PCSK6: variants seen among roughly 807,000 people sequenced by gnomAD.
PCSK6 encodes paired basic amino acid cleaving enzyme 4.
A neutral mutation model predicts 123.3 loss-of-function variants in PCSK6; 85 were observed. That is an observed-to-expected ratio of 0.69 (90% CI 0.58 to 0.83). The LOEUF is 0.83. PCSK6 is among the 40% of genes least tolerant of loss of function. The pLI, the probability that PCSK6 is intolerant of heterozygous loss-of-function variation, is 0.00. For synonymous variants in PCSK6, 508 were observed against 516.0 expected, an observed-to-expected ratio of 0.98 and a Z score of 0.21; for missense variants, 1,191 against 1,282.3, an observed-to-expected ratio of 0.93 and a Z score of 1.09.
At chr15:101,339,649 G>C (rs2141384670) in intron 13 of PCSK6, among the ~76,000 whole-genome samples, 2 of 152,172 alleles carry the variant, frequency 1.3e-5, no homozygotes, top group Non-Finnish European at 2.9e-5. Flanking sequence ...GCTCACGCTT[G>C]TGATCGCAGA....
chr15:101,428,114 A>T (rs1293322979), intron 5 of PCSK6, 134 bp from the exon 6 acceptor site: 1 of 711,010 alleles, frequency 1.4e-6, no homozygotes, highest in East Asian at 2.8e-5. Flanking sequence ...CATTTCCTGC[A>T]TCCCCTCTCA....
At chr15:101,405,088 C>G (rs1320374489) in intron 6 of PCSK6, among the ~76,000 whole-genome samples, 1 of 152,186 alleles carries the variant, frequency 6.6e-6, no homozygotes, top group Non-Finnish European at 1.5e-5. Flanking sequence ...CCAACACTGA[C>G]AAGTTGCCAA....
intron 6 of PCSK6, among the ~76,000 whole-genome samples, chr15:101,404,384 A>G (rs1373041422): frequency 6.6e-6 from 1 of 152,088 alleles, no homozygotes; most frequent in Non-Finnish European, 1.5e-5. Context: ...GGTGGACATG[A>G]AGTGGGGTCT....
intron 1 of PCSK6, among the ~76,000 whole-genome samples, chr15:101,451,399 T>G (rs946146339): frequency 6.6e-6 from 1 of 152,114 alleles, no homozygotes; most frequent in Non-Finnish European, 1.5e-5. Flanking sequence ...GTGGGTCGGC[T>G]AAGCGCATAC....
chr15:101,388,233 A>T (rs2042126955), intron 9 of PCSK6, among the ~76,000 whole-genome samples: 1 of 152,268 alleles, frequency 6.6e-6, no homozygotes, highest in Non-Finnish European at 1.5e-5. Context: ...CCTGGAAATC[A>T]AAAATATCAA....
chr15:101,482,952 G>A (rs768358238), intron 1 of PCSK6, among the ~76,000 whole-genome samples: 9 of 152,164 alleles, frequency 5.9e-5, no homozygotes, highest in East Asian at 3.9e-4. Flanking sequence ...AGGGCAGTCC[G>A]GTCAATTAAA....
rs146290526 is a variant in PCSK6 at position 101,327,572 on chromosome 15, G to A, written c.2078-1093C>T. On this transcript the variant is annotated intron_variant, in intron 15 of 21. Coordinates refer to ENST00000611716, the MANE Select transcript of PCSK6 (RefSeq NM_002570.5). ...GAAGAAAAACCTCCTCCTCCGAGGT[G>A]TGAGTTATGAGAGGGGATGGGGAGT... is the stretch of plus-strand genomic sequence containing the variant. 5.5e-4 allele frequency among the ~76,000 whole-genome samples: 84 copies of A among 152,348 alleles called. 1 individual carries two copies. The East Asian group carries it at 0.015, about 27-fold the overall frequency.
At chr15:101,475,156 A>G (rs904208836) in intron 1 of PCSK6, among the ~76,000 whole-genome samples, 4 of 152,156 alleles carry the variant, frequency 2.6e-5, no homozygotes, top group Non-Finnish European at 4.4e-5. Flanking sequence ...TATTCCGTTC[A>G]CTACTCCTCT....
At chr15:101,393,108 T>C in intron 8 of PCSK6, 104 bp downstream of exon 8, 6 of 964,766 alleles carry the variant, frequency 6.2e-6, no homozygotes, top group South Asian at 2.8e-5. Context: ...TCCGGAACAA[T>C]CTGGCCTCAA....
chr15:101,412,577 G>C (rs1054116878), intron 6 of PCSK6, among the ~76,000 whole-genome samples: 5 of 151,210 alleles, frequency 3.3e-5, no homozygotes, highest in Non-Finnish European at 5.9e-5. Context: ...AGAAATACAC[G>C]ATATAAAGAG....
chr15:101,384,715 A>G (rs1040450569), intron 9 of PCSK6, among the ~76,000 whole-genome samples: 7 of 152,230 alleles, frequency 4.6e-5, no homozygotes, highest in African/African-American at 1.7e-4. Context: ...GCCATATGGG[A>G]AATTCTGAAA....
At chr15:101,364,554 T>A (rs1182480957) in intron 13 of PCSK6, among the ~76,000 whole-genome samples, 1 of 152,222 alleles carries the variant, frequency 6.6e-6, no homozygotes, top group Non-Finnish European at 1.5e-5. Context: ...CCATTCCATT[T>A]GCAATAGCAT....
rs78081503 is a variant in PCSK6 at position 101,451,330 on chromosome 15, C to T, written c.298-7670G>A. ...CCCGCCCACTCAGCTCTCCAATGGA[C>T]GTGACTGCAGACACAGGTGCAGTTC... On this transcript the variant is annotated intron_variant, in intron 1 of 21. Transcript: ENST00000611716. Among the ~76,000 whole-genome samples, 1,011 of 151,888 alleles carry T rather than the reference C, an allele frequency of 6.7e-3. 13 individuals carry two copies. Among genetic ancestry groups the T allele is most frequent in the African/African-American group, 0.023 (941 of 41,402 alleles).
At chr15:101,306,119 C>T (rs540987821) in intron 21 of PCSK6, among the ~76,000 whole-genome samples, 6 of 108,440 alleles carry the variant, frequency 5.5e-5, no homozygotes, top group South Asian at 3.3e-4. Context: ...GTGGAGGGGG[C>T]GGACAGGGAG....
intron 6 of PCSK6, among the ~76,000 whole-genome samples, chr15:101,408,014 C>T (rs1382316939): frequency 2.6e-5 from 4 of 152,200 alleles, no homozygotes; most frequent in East Asian, 3.8e-4. Context: ...ACGGTCTCCC[C>T]GCTAGGGAAT....
chr15:101,385,047 C>T (rs552074656), intron 9 of PCSK6, among the ~76,000 whole-genome samples: 3 of 152,212 alleles, frequency 2.0e-5, no homozygotes, highest in Admixed American at 6.5e-5. Context: ...GACAGGGTCT[C>T]GCCCTGTTGC....
At position 101,404,372 on chromosome 15, in the gene PCSK6, C is replaced by T. The variant is rs182751278; in HGVS notation, c.824-5796G>A. On this transcript the variant is annotated intron_variant, in intron 6 of 21. Transcript: ENST00000611716. ...TCCTTTCTGGGTGGAGAGGAGGGGT[C>T]GGGTGGACATGAAGTGGGGTCTTTC... Among the ~76,000 whole-genome samples, 397 of 152,220 alleles carry T rather than the reference C, an allele frequency of 2.6e-3. 2 individuals carry two copies. Among genetic ancestry groups the T allele is most frequent in the African/African-American group, 8.5e-3 (351 of 41,536 alleles).
At chr15:101,477,267 C>G (rs1033857496) in intron 1 of PCSK6, among the ~76,000 whole-genome samples, 4 of 151,384 alleles carry the variant, frequency 2.6e-5, no homozygotes, top group Admixed American at 1.3e-4. Flanking sequence ...GTCTGTGTGT[C>G]TGTGTGTGTG....
At position 101,336,027 on chromosome 15, in the gene PCSK6, G is replaced by C. The variant is rs558797688; in HGVS notation, c.1859-3996C>G. The stretch of plus-strand genomic sequence containing the variant: ...ATACGACATTAGAATCTTATGCAAT[G>C]ACTATTGAATATGGGGTCTGCTACT... On this transcript the variant is annotated intron_variant, in intron 13 of 21. Transcript: ENST00000611716. 7.2e-5 allele frequency among the ~76,000 whole-genome samples: 11 copies of C among 152,336 alleles called. No homozygotes were observed. The South Asian group carries it at 2.3e-3, about 32-fold the overall frequency.
Sources: allele counts gnomAD v4.1 joint callset (sites outside exome capture counted in the v4.1 genomes callset), GRCh38; gene constraint gnomAD v4.1.1; transcripts MANE v1.5; gene names NCBI Gene and HGNC (gene_info 2026-07-23, HGNC 2026-07-21).